The following LIN28B variants were observed in gnomAD, a reference collection of about 807,000 sequenced individuals.
LIN28B encodes lin-28 RNA binding posttranscriptional regulator B.
LIN28B carries 5 observed loss-of-function variants against 21.9 expected under a neutral mutation model. The observed-to-expected ratio is 0.23, with a 90% CI of 0.12 to 0.48. The LOEUF (loss-of-function observed/expected upper bound fraction) is 0.48, where lower values mean the gene tolerates loss of function less well. Among genes scored for constraint, LIN28B ranks in the 20% least tolerant of loss-of-function variants. LIN28B has a pLI of 0.98. For synonymous variants in LIN28B, 109 were observed against 111.3 expected, an observed-to-expected ratio of 0.98 and a Z score of 0.13; for missense variants, 245 against 310.5, an observed-to-expected ratio of 0.79 and a Z score of 1.58.
chr6:105,029,391 A>G (rs1771369960), intron 3 of LIN28B, among the ~76,000 whole-genome samples: 1 of 152,196 alleles, frequency 6.6e-6, no homozygotes. Context: ...TTAAAGCACA[A>G]CTGGGGGAGC....
intron 3 of LIN28B, among the ~76,000 whole-genome samples, chr6:105,056,844 C>A (rs1772032365): frequency 6.6e-6 from 1 of 152,092 alleles, no homozygotes; most frequent in Non-Finnish European, 1.5e-5. Flanking sequence ...TGTCTTCTTG[C>A]CCCTTAGTCC....
chr6:104,982,354 C>T (rs553483383), intron 2 of LIN28B, among the ~76,000 whole-genome samples: 1 of 151,570 alleles, frequency 6.6e-6, no homozygotes, highest in East Asian at 1.9e-4. Context: ...ATTTGAATGG[C>T]CTCCAATTCA....
At chr6:105,015,934 T>C (rs557201791) in intron 2 of LIN28B, among the ~76,000 whole-genome samples, 4 of 152,194 alleles carry the variant, frequency 2.6e-5, no homozygotes, top group Admixed American at 2.0e-4. Context: ...AGGCTTATAG[T>C]ATACATCCTT....
rs1770634954 is a variant in LIN28B, at chr6:104,997,492, GT to G, written c.199-28803del. Among the ~76,000 whole-genome samples the G allele has an allele frequency of 2.0e-5, 3 of 151,764 alleles. No homozygotes were observed. The East Asian group carries it at 5.8e-4, about 29-fold the overall frequency. ...AAATTGAACTGTATCTATATGTATA[GT>G]TTCTCAGTTGCCCAATATAATATAG... On this transcript the variant is annotated intron_variant, in intron 2 of 3. Coordinates refer to ENST00000345080, the MANE Select transcript of LIN28B (RefSeq NM_001004317.4).
At chr6:104,963,171 T>C (rs922102781) in intron 2 of LIN28B, among the ~76,000 whole-genome samples, 22 of 152,120 alleles carry the variant, frequency 1.4e-4, no homozygotes, top group Non-Finnish European at 2.9e-4. Context: ...TTCAGCCTCC[T>C]GAGTAGCTGG....
chr6:105,037,405 A>G (rs1293050869), intron 3 of LIN28B, among the ~76,000 whole-genome samples: 1 of 152,088 alleles, frequency 6.6e-6, no homozygotes, highest in African/African-American at 2.4e-5. Context: ...TGGCATTTTA[A>G]TTTTTGAAAT....
At position 104,977,090 on chromosome 6, in the gene LIN28B, T is replaced by C. The variant is rs563117333; in HGVS notation, c.198+18804T>C. On this transcript the variant is annotated intron_variant, in intron 2 of 3. Coordinates refer to ENST00000345080, the MANE Select transcript of LIN28B (RefSeq NM_001004317.4). ...TTCAGGTTGAAGTACAGTGACATGA[T>C]CATAGCTCACTATGTATAATCTTGT... 2.6e-5 allele frequency among the ~76,000 whole-genome samples: 4 copies of C among 152,240 alleles called. No individual in the cohort carries two copies. The South Asian group carries it at 8.3e-4, about 32-fold the overall frequency.
chr6:105,017,758 G>A (rs979259319), intron 2 of LIN28B, among the ~76,000 whole-genome samples: 1 of 151,906 alleles, frequency 6.6e-6, no homozygotes, highest in Non-Finnish European at 1.5e-5. Context: ...GGAGGGAGAG[G>A]GGCAAGGGTT....
At chr6:105,053,202 T>G (rs1771944647) in intron 3 of LIN28B, among the ~76,000 whole-genome samples, 1 of 152,222 alleles carries the variant, frequency 6.6e-6, no homozygotes, top group Non-Finnish European at 1.5e-5. Flanking sequence ...GAAAACATAT[T>G]CTGTAAGATT....
rs562146289 is a variant in LIN28B, at chr6:105,067,708, C to G, written c.384-10706C>G. ...TAGAATTCATTATTATGCTCCTTCT[C>G]AAGTTACAGTACAAAGTAGAAAACT... On this transcript the variant is annotated intron_variant, in intron 3 of 3. Transcript: ENST00000345080. Among the ~76,000 whole-genome samples the G allele has an allele frequency of 1.1e-3, 161 of 152,292 alleles. 1 individual carries two copies. Among genetic ancestry groups the G allele is most frequent in the Middle Eastern group, 6.8e-3 (2 of 294 alleles).
chr6:104,961,409 T>C (rs1278866166), intron 2 of LIN28B, among the ~76,000 whole-genome samples: 1 of 149,964 alleles, frequency 6.7e-6, no homozygotes, highest in Non-Finnish European at 1.5e-5. Flanking sequence ...AATTCTTTTA[T>C]TTTTTTTTTG....
At chr6:104,991,380 G>A (rs1449694325) in intron 2 of LIN28B, among the ~76,000 whole-genome samples, 1 of 151,612 alleles carries the variant, frequency 6.6e-6, no homozygotes, top group Admixed American at 6.6e-5. Context: ...AGACGGGGTC[G>A]CGGCCGGGCA....
intron 2 of LIN28B, among the ~76,000 whole-genome samples, chr6:104,937,696 C>A (rs1263205641): frequency 6.6e-6 from 1 of 152,030 alleles, no homozygotes; most frequent in African/African-American, 2.4e-5. Flanking sequence ...TCATACACTC[C>A]ACTCATAAAA....
upstream of LIN28B, among the ~76,000 whole-genome samples, chr6:104,956,140 C>G (rs564265453): frequency 4.6e-5 from 7 of 152,174 alleles, no homozygotes; most frequent in African/African-American, 1.4e-4. Context: ...CACCCCACCC[C>G]CTGCCCGCGC....
intron 3 of LIN28B, among the ~76,000 whole-genome samples, chr6:105,077,444 T>C (rs183995919): frequency 2.3e-4 from 34 of 148,512 alleles, no homozygotes; most frequent in African/African-American, 5.8e-4. Context: ...ACTTTTAATA[T>C]AAAATTTTAG....
At chr6:104,964,568 T>G (rs970812584) in intron 2 of LIN28B, among the ~76,000 whole-genome samples, 17 of 151,574 alleles carry the variant, frequency 1.1e-4, no homozygotes, top group African/African-American at 4.1e-4. Context: ...TAGATGGCAT[T>G]GTACCATATA....
In LIN28B at chr6:105,078,454, T is replaced by G. The variant is rs1582937038; in HGVS notation, c.424T>G (p.Cys142Gly). Residue 142 changes from cysteine (C) to glycine (G), a missense_variant, in exon 4 of 4, where the codon TGT becomes GGT. Coordinates refer to ENST00000345080, the MANE Select transcript of LIN28B (RefSeq NM_001004317.4). ...TGGCCTTGATCATCATGCTAAGGAA[T>G]GTAGTCTACCTCCTCAGCCAAAGAA... ...CGGLDHHAKE[C>G]SLPPQPKKCH... 6.2e-7 allele frequency: 1 copy of G among 1,613,438 alleles called. No homozygotes were observed.
chr6:105,027,996 A>C (rs757492345), intron 3 of LIN28B, among the ~76,000 whole-genome samples: 6 of 152,194 alleles, frequency 3.9e-5, no homozygotes, highest in Admixed American at 2.0e-4. Flanking sequence ...TGTGTGTGAA[A>C]GTTTAATGAT....
chr6:105,049,340 A>G (rs967630204), intron 3 of LIN28B, among the ~76,000 whole-genome samples: 2 of 152,166 alleles, frequency 1.3e-5, no homozygotes, highest in African/African-American at 2.4e-5. Context: ...CCTGAGTTCT[A>G]GTTTGATTGC....
Sources: gnomAD v4.1 joint callset for allele counts (sites outside exome capture counted in the v4.1 genomes callset) on GRCh38, gnomAD v4.1.1 for gene constraint, MANE v1.5 for transcripts, NCBI Gene and HGNC (gene_info 2026-07-23, HGNC 2026-07-21) for gene names.